MRPS9: variants seen among roughly 807,000 people sequenced by gnomAD.
The protein encoded by MRPS9 is small ribosomal subunit protein uS9m.
A neutral mutation model predicts 59.9 loss-of-function variants in MRPS9; 45 were observed. That is an observed-to-expected ratio of 0.75 (90% CI 0.59 to 0.96). MRPS9 has a LOEUF of 0.96. Among genes scored for constraint, MRPS9 ranks in the 40% least tolerant of loss-of-function variants. MRPS9 has a pLI of 0.00. For missense variants in MRPS9, 473 were observed against 481.1 expected, an observed-to-expected ratio of 0.98 and a Z score of 0.16; for synonymous variants, 171 against 166.8, an observed-to-expected ratio of 1.03 and a Z score of -0.19.
intron 1 of MRPS9, among the ~76,000 whole-genome samples, chr2:105,043,245 CTTAA>C (rs1679532419): frequency 6.6e-6 from 1 of 152,144 alleles, no homozygotes; most frequent in Admixed American, 6.5e-5. Flanking sequence ...TGTTAAGTGT[CTTAA>C]TTTATAACAG....
At chr2:105,079,897 G>C in intron 4 of MRPS9, 86 bp from the exon 5 acceptor site, 1 of 760,764 alleles carries the variant, frequency 1.3e-6, no homozygotes, top group Non-Finnish European at 2.1e-6. Flanking sequence ...AATTATAAAT[G>C]TGTCTCATAA....
chr2:105,044,056 C>T (rs2104437896), intron 1 of MRPS9, among the ~76,000 whole-genome samples: 1 of 152,128 alleles, frequency 6.6e-6, no homozygotes, highest in South Asian at 2.1e-4. Context: ...CTGCCTCAGC[C>T]TCCCAAGTAG....
chr2:105,071,450 A>G lies in MRPS9; in HGVS notation c.379-9A>G, dbSNP rs751297737. On this transcript the variant is annotated splice_polypyrimidine_tract_variant and intron_variant, in intron 3 of 10. Coordinates refer to ENST00000258455, the MANE Select transcript of MRPS9 (RefSeq NM_182640.3). The stretch of plus-strand genomic sequence containing the variant: ...TAATTATCTAATACATTATTAATTT[A>G]TTTTACAGCATCCTGAACAGATTTT... 2 of 1,600,566 alleles carry G rather than the reference A, an allele frequency of 1.2e-6. No individual in the cohort carries two copies. Among genetic ancestry groups the G allele is most frequent in the South Asian group, 1.1e-5 (1 of 88,562 alleles).
Position 105,074,304 on chromosome 2 carries a change from C to T in MRPS9, c.409+2815C>T, listed in dbSNP as rs564723001. ...AATTGAAAAGAAGGGGTATGATAAA[C>T]AAAACCATGTCATTCTTTGAAAAAG... On this transcript the variant is annotated intron_variant, in intron 4 of 10. Transcript: ENST00000258455. 2.6e-5 allele frequency among the ~76,000 whole-genome samples: 4 copies of T among 152,120 alleles called. No individual in the cohort carries two copies. The South Asian group carries it at 6.2e-4, about 24-fold the overall frequency.
chr2:105,091,984 A>AT (rs1680567507), intron 7 of MRPS9: 1 of 156,042 alleles, frequency 6.4e-6, no homozygotes, highest in South Asian at 2.0e-4. Flanking sequence ...TAAGAGGTAC[A>AT]TTTTCTCAAA....
At chr2:105,056,256 T>G (rs1027196866) in intron 2 of MRPS9, among the ~76,000 whole-genome samples, 8 of 152,136 alleles carry the variant, frequency 5.3e-5, no homozygotes, top group African/African-American at 1.9e-4. Context: ...TCAGATTAAT[T>G]TTTTAGGTAA....
intron 5 of MRPS9, among the ~76,000 whole-genome samples, chr2:105,086,360 A>C (rs1390345922): frequency 2.0e-5 from 3 of 152,064 alleles, no homozygotes; most frequent in Non-Finnish European, 4.4e-5. Context: ...TTTTTTTCTG[A>C]TAGTTTTACT....
chr2:105,098,389 C>T (rs1677259101), intron 10 of MRPS9: 1 of 152,178 alleles, frequency 6.6e-6, no homozygotes, highest in African/African-American at 2.4e-5. Flanking sequence ...TGCACCAGAC[C>T]TTCTAGTACA....
At chr2:105,051,828 T>C (rs1376788699) in intron 2 of MRPS9, among the ~76,000 whole-genome samples, 3 of 152,130 alleles carry the variant, frequency 2.0e-5, no homozygotes, top group African/African-American at 7.2e-5. Context: ...TTTTATAATA[T>C]TTTTGGGTTT....
intron 1 of MRPS9, among the ~76,000 whole-genome samples, chr2:105,043,384 C>T (rs566037848): frequency 2.0e-5 from 3 of 152,216 alleles, no homozygotes; most frequent in East Asian, 1.9e-4. Flanking sequence ...AGTTCTTTTT[C>T]GCTGGTTATA....
chr2:105,082,110 C>A (rs757109543), intron 5 of MRPS9, among the ~76,000 whole-genome samples: 1 of 152,140 alleles, frequency 6.6e-6, no homozygotes, highest in Admixed American at 6.5e-5. Flanking sequence ...TGGGGGGAAC[C>A]GTCCCCTTCC....
intron 5 of MRPS9, among the ~76,000 whole-genome samples, chr2:105,080,612 A>G (rs757026570): frequency 6.6e-6 from 1 of 152,168 alleles, no homozygotes; most frequent in Non-Finnish European, 1.5e-5. Context: ...TCAGAGCTAT[A>G]AGTGTCTGAT....
rs61291906 is a variant in MRPS9, at chr2:105,041,954, A to G, written c.135+3727A>G. Reference sequence around the variant, plus strand: ...TTATATAATAAGAGCTTGATAATAAATGCTACTATCATTCTCACCTCTCTT... The same window carrying G: ...TTATATAATAAGAGCTTGATAATAAGTGCTACTATCATTCTCACCTCTCTT... On this transcript the variant is annotated intron_variant, in intron 1 of 10. Coordinates refer to ENST00000258455, the MANE Select transcript of MRPS9 (RefSeq NM_182640.3). Among the ~76,000 whole-genome samples, 1,481 of 152,310 alleles carry G rather than the reference A, an allele frequency of 9.7e-3. 25 individuals are homozygous for G. Among genetic ancestry groups the G allele is most frequent in the African/African-American group, 0.034 (1,403 of 41,562 alleles).
intron 1 of MRPS9, among the ~76,000 whole-genome samples, chr2:105,048,235 A>C (rs1395352332): frequency 1.3e-5 from 2 of 152,044 alleles, no homozygotes; most frequent in East Asian, 3.9e-4. Flanking sequence ...CATCATTCTC[A>C]GTAAACTATT....
chr2:105,081,425 T>C (rs1430713695), intron 5 of MRPS9, among the ~76,000 whole-genome samples: 1 of 152,240 alleles, frequency 6.6e-6, no homozygotes, highest in Non-Finnish European at 1.5e-5. Flanking sequence ...ATTAATTCTC[T>C]TCCTGCCTTC....
chr2:105,082,756 T>C (rs1381459310), intron 5 of MRPS9, among the ~76,000 whole-genome samples: 1 of 152,180 alleles, frequency 6.6e-6, no homozygotes, highest in Non-Finnish European at 1.5e-5. Flanking sequence ...TTTGGAAATG[T>C]GCCACACTCC....
chr2:105,063,243 G>C (rs1679939904), intron 2 of MRPS9, among the ~76,000 whole-genome samples: 1 of 152,142 alleles, frequency 6.6e-6, no homozygotes, highest in African/African-American at 2.4e-5. Flanking sequence ...AATAGCCACT[G>C]CTCTCCTGGG....
At chr2:105,050,961 A>T (rs1342469178) in intron 2 of MRPS9, among the ~76,000 whole-genome samples, 1 of 152,192 alleles carries the variant, frequency 6.6e-6, no homozygotes, top group Non-Finnish European at 1.5e-5. Flanking sequence ...GATTGTATGG[A>T]TATACCACAT....
At position 105,093,608 on chromosome 2, in the gene MRPS9, A is replaced by G. The variant is rs1386392276; in HGVS notation, c.899A>G (p.Tyr300Cys). 10 of 1,606,054 alleles carry G rather than the reference A, an allele frequency of 6.2e-6. No homozygotes were observed. Among genetic ancestry groups the G allele is most frequent in the Non-Finnish European group, 7.7e-6 (9 of 1,175,842 alleles). ...SGRIKVNGID[Y>C]QLYFPITQDR... ...AGAATAAAAGTAAATGGAATTGATT[A>G]CCAGCTTTACTTCCCGATCACACAG... Residue 300 changes from tyrosine to cysteine, a missense_variant, in exon 9 of 11, where the codon TAC becomes TGC. Physicochemically the swap from Tyr to Cys is radical, Grantham distance 194 (BLOSUM62 -2). Transcript: ENST00000258455.
Sources: gnomAD v4.1 joint callset for allele counts (sites outside exome capture counted in the v4.1 genomes callset) on GRCh38, gnomAD v4.1.1 for gene constraint, MANE v1.5 for transcripts, NCBI Gene and HGNC (gene_info 2026-07-23, HGNC 2026-07-21) for gene names.